PPFIA1: variants seen among roughly 807,000 people sequenced by gnomAD.
PPFIA1 encodes liprin-alpha-1.
PPFIA1 carries 25 observed loss-of-function variants against 149.9 expected under a neutral mutation model. The ratio of observed to expected loss-of-function variants is 0.17; its 90% confidence interval spans 0.12 to 0.23. PPFIA1 has a LOEUF of 0.23. Ranked by LOEUF, PPFIA1 falls within the 10% of genes least tolerant of loss-of-function variation. PPFIA1 has a pLI of 1.00. For synonymous variants in PPFIA1, 549 were observed against 552.8 expected (o/e 0.99, Z 0.10); for missense variants, 1,362 against 1,506.5 (o/e 0.90, Z 1.59).
intron 2 of PPFIA1, among the ~76,000 whole-genome samples, chr11:70,320,467 C>T (rs923415232): frequency 1.1e-4 from 16 of 142,092 alleles, no homozygotes; most frequent in East Asian, 2.0e-4. Context: ...GAGACGCTCT[C>T]GTCACCCGGC....
chr11:70,371,688 A>G (rs2057275756), intron 21 of PPFIA1: 3 of 135,630 alleles, frequency 2.2e-5, no homozygotes, highest in Non-Finnish European at 3.3e-5. Context: ...AATTTTTTCA[A>G]CTATAATTGT....
chr11:70,338,067 TAA>T (rs905146534), intron 12 of PPFIA1, among the ~76,000 whole-genome samples: 8 of 152,234 alleles, frequency 5.3e-5, no homozygotes, highest in African/African-American at 1.9e-4. Flanking sequence ...CCTTCTCCTC[TAA>T]AAGAGTCTGC....
rs144077716 is a variant in PPFIA1, at chr11:70,277,954, G to A, written c.264+5518G>A. On this transcript the variant is annotated intron_variant, in intron 2 of 27. Coordinates refer to ENST00000253925, the MANE Select transcript of PPFIA1 (RefSeq NM_003626.5). ...TAAGATGGAGTCTCGCTCTGTCGCCGGTCTGGAGTGCAGTGATGTGATCTT... is the reference window on the plus strand; with the variant it reads ...TAAGATGGAGTCTCGCTCTGTCGCCAGTCTGGAGTGCAGTGATGTGATCTT... Among the ~76,000 whole-genome samples the A allele has an allele frequency of 3.0e-3, 458 of 151,798 alleles. 1 individual carries two copies. The highest frequency in any genetic ancestry group is 4.7e-3 in the East Asian group (24 of 5,152).
chr11:70,347,975 C>T (rs2055818036), intron 15 of PPFIA1, among the ~76,000 whole-genome samples: 1 of 152,070 alleles, frequency 6.6e-6, no homozygotes, highest in African/African-American at 2.4e-5. Context: ...TGCACTCTAG[C>T]CTGGGCAACA....
chr11:70,283,027 A>G (rs2050872393), intron 2 of PPFIA1, among the ~76,000 whole-genome samples: 1 of 147,582 alleles, frequency 6.8e-6, no homozygotes, highest in South Asian at 2.1e-4. Context: ...TTTAGTAGAG[A>G]CGGGGTTTCA....
rs2054492194 is a variant in PPFIA1 at position 70,329,048 on chromosome 11, T to C, written c.931-1125T>C. On this transcript the variant is annotated intron_variant, in intron 7 of 27. Transcript: ENST00000253925. Reference sequence around the variant, plus strand: ...CAATTAAATTAAACTGGTACTTCTGTTTCCATTTGTCAATATGCTTGAGTC... The same window carrying C: ...CAATTAAATTAAACTGGTACTTCTGCTTCCATTTGTCAATATGCTTGAGTC... 2.0e-5 allele frequency among the ~76,000 whole-genome samples: 3 copies of C among 152,194 alleles called. No individual in the cohort carries two copies. In the South Asian group the frequency reaches 6.2e-4, roughly 32 times the overall value.
In PPFIA1 at chr11:70,383,164, TAGAGA is replaced by T; in HGVS notation, c.*176_*180del. On this transcript the variant is annotated 3_prime_UTR_variant, in exon 28 of 28. Coordinates refer to ENST00000253925, the MANE Select transcript of PPFIA1 (RefSeq NM_003626.5). Reference sequence around the variant, plus strand: ...ATTAGTGAAAAATTCATGAATACCATAGAGAAAATATTTTAGAATTTAATGTTTCT... The same window carrying T: ...ATTAGTGAAAAATTCATGAATACCATAAATATTTTAGAATTTAATGTTTCT... The T allele has an allele frequency of 2.9e-6, 1 of 348,316 alleles. No individual in the cohort carries two copies. Among genetic ancestry groups the T allele is most frequent in the Non-Finnish European group, 5.4e-6 (1 of 186,092 alleles). The allele number at this position is 348,316 out of a possible 1,614,324, so 21.6% of individuals were successfully genotyped here.
In PPFIA1 at chr11:70,274,924, G is replaced by T. The variant is rs540230326; in HGVS notation, c.264+2488G>T. Among the ~76,000 whole-genome samples the T allele has an allele frequency of 2.6e-5, 4 of 152,218 alleles. No individual in the cohort carries two copies. In the South Asian group the frequency reaches 8.3e-4, roughly 32 times the overall value. ...TGTAGAGGTGGGGTTTTACCATGTT[G>T]CCCAGGCCGGAGGATATGTGTACAC... On this transcript the variant is annotated intron_variant, in intron 2 of 27. Transcript: ENST00000253925.
At position 70,325,615 on chromosome 11, in the gene PPFIA1, T is replaced by G. The variant is rs546624548; in HGVS notation, c.606+41T>G. ...CATCATGAGTTGAATTGGGGGGGGG[T>G]TATTTTTATCCTTTAATTATTAAAA... is the stretch of plus-strand genomic sequence containing the variant. On this transcript the variant is annotated intron_variant, in intron 5 of 27. Transcript: ENST00000253925. The G allele has an allele frequency of 3.9e-4, 544 of 1,386,094 alleles. 2 individuals are homozygous for G. In the African/African-American group the frequency reaches 4.4e-3, roughly 11 times the overall value. The allele number at this position is 1,386,094 out of a possible 1,614,324, so 85.9% of individuals were successfully genotyped here.
chr11:70,364,123 T>C (rs1415019417), intron 21 of PPFIA1, among the ~76,000 whole-genome samples: 1 of 152,230 alleles, frequency 6.6e-6, no homozygotes, highest in Non-Finnish European at 1.5e-5. Flanking sequence ...ATGAGATCAC[T>C]GGTTGCCTTG....
intron 26 of PPFIA1, chr11:70,378,604 C>T (rs2057582457): frequency 6.0e-6 from 2 of 333,578 alleles, no homozygotes; most frequent in Non-Finnish European, 8.5e-6. Context: ...TAACTGAGTA[C>T]ATTTTTAAGA....
chr11:70,347,464 G>T (rs1172378477), intron 15 of PPFIA1, among the ~76,000 whole-genome samples: 1 of 152,170 alleles, frequency 6.6e-6, no homozygotes, highest in African/African-American at 2.4e-5. Context: ...TTTGGGAGGA[G>T]GCTGAGGTTG....
intron 16 of PPFIA1, chr11:70,350,987 C>CT (rs1446691238): frequency 1.9e-5 from 24 of 1,254,484 alleles, no homozygotes; most frequent in Non-Finnish European, 2.3e-5. Context: ...TTGCATGCAT[C>CT]TATCAGCCTA....
intron 7 of PPFIA1, 104 bp downstream of exon 7, chr11:70,326,922 T>G: frequency 2.1e-6 from 2 of 933,936 alleles, no homozygotes; most frequent in Non-Finnish European, 3.3e-6. Flanking sequence ...TCCCAATTAC[T>G]TTCAACCTTT....
intron 25 of PPFIA1, among the ~76,000 whole-genome samples, 156 bp from the exon 26 acceptor site, chr11:70,377,874 T>C (rs2057550198): frequency 6.6e-6 from 1 of 152,108 alleles, no homozygotes; most frequent in African/African-American, 2.4e-5. Context: ...AAGTTCCAGG[T>C]TGGGCAATAT....
chr11:70,274,591 C>A (rs1001950165), intron 2 of PPFIA1, among the ~76,000 whole-genome samples: 1 of 152,212 alleles, frequency 6.6e-6, no homozygotes, highest in African/African-American at 2.4e-5. Context: ...TCATTCTCAC[C>A]TGCTCTCTGG....
intron 16 of PPFIA1, chr11:70,350,923 C>T: frequency 1.1e-6 from 1 of 928,622 alleles, no homozygotes; most frequent in South Asian, 2.0e-5. Context: ...TATACTGATC[C>T]TTGAATTTTT....
At chr11:70,302,042 G>A (rs879050871) in intron 2 of PPFIA1, among the ~76,000 whole-genome samples, 6 of 152,240 alleles carry the variant, frequency 3.9e-5, no homozygotes, top group Non-Finnish European at 7.3e-5. Flanking sequence ...GTGGACTCAC[G>A]AAAGTGCAGT....
At chr11:70,279,879 G>T (rs776181083) in intron 2 of PPFIA1, among the ~76,000 whole-genome samples, 1 of 110,324 alleles carries the variant, frequency 9.1e-6, no homozygotes, top group Admixed American at 9.3e-5. Flanking sequence ...GTGAGCCACC[G>T]TGTCCGGCCT....
Sources: gnomAD v4.1 joint callset for allele counts (sites outside exome capture counted in the v4.1 genomes callset) on GRCh38, gnomAD v4.1.1 for gene constraint, MANE v1.5 for transcripts, NCBI Gene and HGNC (gene_info 2026-07-23, HGNC 2026-07-21) for gene names.